KTN1: variants seen among roughly 807,000 people sequenced by gnomAD.
KTN1 encodes the protein kinectin 1, also known as kinectin.
A neutral mutation model predicts 222.5 loss-of-function variants in KTN1; 130 were observed. The ratio of observed to expected loss-of-function variants is 0.58; its 90% CI spans 0.51 to 0.68. The LOEUF is 0.68. Among genes scored for constraint, KTN1 ranks in the 30% least tolerant of loss-of-function variants. The probability of loss-of-function intolerance (pLI) is 0.00; values close to 1 mark genes in which losing one functional copy is unlikely to be tolerated. For missense variants in KTN1, 1,508 were observed against 1,500.4 expected (o/e 1.01, Z -0.08); for synonymous variants, 512 against 496.3 (o/e 1.03, Z -0.42).
intron 9 of KTN1, 125 bp from the exon 10 acceptor site, chr14:55,636,324 A>C: frequency 3.1e-6 from 2 of 643,178 alleles, no homozygotes. Context: ...AATGTAGGAG[A>C]CTAGTTGCAA....
intron 37 of KTN1, 34 bp downstream of exon 37, chr14:55,671,911 C>G: frequency 2.4e-6 from 3 of 1,260,722 alleles, no homozygotes; most frequent in Non-Finnish European, 2.3e-6. Flanking sequence ...AGCAGTGGTT[C>G]TCGATGTGTG....
chr14:55,651,173 A>G (rs905690968), intron 24 of KTN1: 3 of 426,694 alleles, frequency 7.0e-6, no homozygotes, highest in African/African-American at 4.1e-5. Flanking sequence ...TTTATTGTCA[A>G]AGCAGTACTT....
Position 55,586,734 on chromosome 14 carries a change from A to G in KTN1, c.-31+6380A>G, listed in dbSNP as rs1258205403. ...TTAATTCTTAAAACTAGTGATTTAA[A>G]TTTAAAGACTTGAAGTTTTTCAAGT... On this transcript the variant is annotated intron_variant, in intron 1 of 43. Coordinates refer to ENST00000395314, the MANE Select transcript of KTN1 (RefSeq NM_001079521.2). Among the ~76,000 whole-genome samples the G allele has an allele frequency of 3.1e-4, 47 of 152,122 alleles. 1 individual carries two copies. The highest frequency in any genetic ancestry group is 3.1e-3 in the Admixed American group (47 of 15,282).
chr14:55,677,037 G>A (rs1174718041), intron 41 of KTN1, among the ~76,000 whole-genome samples: 1 of 152,204 alleles, frequency 6.6e-6, no homozygotes, highest in African/African-American at 2.4e-5. Context: ...TACCAAACTG[G>A]TGCTCAAAGT....
At chr14:55,607,942 T>C (rs2036981922) in intron 1 of KTN1, among the ~76,000 whole-genome samples, 1 of 152,172 alleles carries the variant, frequency 6.6e-6, no homozygotes. Flanking sequence ...AAAACTCGGG[T>C]TGTGAGTTAG....
At chr14:55,661,188 C>G (rs2147119) in intron 31 of KTN1, 6,827 of 165,834 alleles carry the variant, frequency 0.041, 199 homozygotes, top group Non-Finnish European at 0.057. Flanking sequence ...AGTTTTAACT[C>G]CTCTAAAAAT....
Position 55,599,229 on chromosome 14 carries a change from C to T in KTN1, c.-30-12790C>T, listed in dbSNP as rs189611801. On this transcript the variant is annotated intron_variant, in intron 1 of 43. Coordinates refer to ENST00000395314, the MANE Select transcript of KTN1 (RefSeq NM_001079521.2). ...CTGATTTCTTTTATAACTCTCATGG[C>T]TGAAATTTTTGTTTTAATAGTCTTT... Among the ~76,000 whole-genome samples the T allele has an allele frequency of 5.7e-4, 87 of 152,052 alleles. No homozygotes were observed. In the East Asian group the frequency reaches 0.016, roughly 28 times the overall value.
At chr14:55,640,128 G>GTT (rs1488429400) in intron 14 of KTN1, 125 bp downstream of exon 14, 1 of 708,314 alleles carries the variant, frequency 1.4e-6, no homozygotes, top group Non-Finnish European at 2.4e-6. Context: ...TGAAATAACT[G>GTT]TTTTTCTAAA....
intron 9 of KTN1, among the ~76,000 whole-genome samples, chr14:55,636,243 T>C (rs2041111731): frequency 6.6e-6 from 1 of 152,172 alleles, no homozygotes; most frequent in Non-Finnish European, 1.5e-5. Flanking sequence ...CCCTGTAATG[T>C]TGGAGGATAG....
At chr14:55,677,388 A>C (rs1402307641) in intron 41 of KTN1, among the ~76,000 whole-genome samples, 1 of 151,710 alleles carries the variant, frequency 6.6e-6, no homozygotes, top group East Asian at 1.9e-4. Context: ...GAGGCAGAAG[A>C]ATTGCTTGAA....
At chr14:55,614,611 T>A (rs1036971564) in intron 2 of KTN1, among the ~76,000 whole-genome samples, 1 of 152,114 alleles carries the variant, frequency 6.6e-6, no homozygotes, top group African/African-American at 2.4e-5. Flanking sequence ...TTTTGAGAAA[T>A]GTAAAAATGT....
chr14:55,643,234 T>C (rs2041974812), intron 18 of KTN1, among the ~76,000 whole-genome samples: 1 of 152,144 alleles, frequency 6.6e-6, no homozygotes, highest in African/African-American at 2.4e-5. Flanking sequence ...TCTTATTTCC[T>C]TTTCTGGTAT....
At chr14:55,652,589 C>A (rs113893285) in intron 25 of KTN1, among the ~76,000 whole-genome samples, 3 of 151,890 alleles carry the variant, frequency 2.0e-5, no homozygotes, top group Non-Finnish European at 2.9e-5. Flanking sequence ...TTAGTAGAGA[C>A]GGGGTTTCAC....
rs774607538 is a variant in KTN1, at chr14:55,660,340, GA to G, written c.2999+647del. 1.7e-4 allele frequency among the ~76,000 whole-genome samples: 23 copies of G among 132,438 alleles called. No homozygotes were observed. The East Asian group carries it at 3.1e-3, about 18-fold the overall frequency. The allele number at this position is 132,438 out of a possible 152,430, so 86.9% of individuals were successfully genotyped here. The stretch of plus-strand genomic sequence containing the variant: ...CCATTGCACTCCAGCCTGGCACCAA[GA>G]AAAAAAAAATACATACATATAGTCT... On this transcript the variant is annotated intron_variant, in intron 31 of 43. Coordinates refer to ENST00000395314, the MANE Select transcript of KTN1 (RefSeq NM_001079521.2).
chr14:55,589,330 G>T (rs1358896405), intron 1 of KTN1, among the ~76,000 whole-genome samples: 2 of 151,968 alleles, frequency 1.3e-5, no homozygotes, highest in Non-Finnish European at 2.9e-5. Flanking sequence ...ACGGCGTCTC[G>T]CTCTGTCACC....
At chr14:55,652,065 G>C (rs536892804) in intron 25 of KTN1, 138 bp downstream of exon 25, 1 of 596,576 alleles carries the variant, frequency 1.7e-6, no homozygotes, top group Non-Finnish European at 2.9e-6. Context: ...AAACTCCTAA[G>C]GGCCCTAAGT....
chr14:55,616,975 T>C (rs780774003), intron 3 of KTN1, among the ~76,000 whole-genome samples: 3 of 152,232 alleles, frequency 2.0e-5, no homozygotes, highest in Non-Finnish European at 4.4e-5. Flanking sequence ...TTTTGTGCTT[T>C]TTAATATCAC....
intron 41 of KTN1, among the ~76,000 whole-genome samples, chr14:55,677,819 C>T (rs2046017856): frequency 6.6e-6 from 1 of 152,200 alleles, no homozygotes. Context: ...CTTCCTCAGC[C>T]TCCCTAGTAG....
At position 55,653,094 on chromosome 14, in the gene KTN1, TA is replaced by T; in HGVS notation, c.2763+12del. ...AACATAACTTGAAAGAGGTATAGTA[TA>T]AACAAATTACCAACATGTTACATAA... On this transcript the variant is annotated intron_variant, in intron 27 of 43. Coordinates refer to ENST00000395314, the MANE Select transcript of KTN1 (RefSeq NM_001079521.2). 6.6e-7 allele frequency: 1 copy of T among 1,510,750 alleles called. No individual in the cohort carries two copies. The highest frequency in any genetic ancestry group is 9.2e-7 in the Non-Finnish European group (1 of 1,091,868). 93.6% of individuals were successfully genotyped at this position (1,510,750 alleles called of 1,614,324 possible).
Sources: gnomAD v4.1 joint callset for allele counts (sites outside exome capture counted in the v4.1 genomes callset) on GRCh38, gnomAD v4.1.1 for gene constraint, MANE v1.5 for transcripts, NCBI Gene and HGNC (gene_info 2026-07-23, HGNC 2026-07-21) for gene names.